RUFY2: variants seen among roughly 807,000 people sequenced by gnomAD.
The protein encoded by RUFY2 is RUN and FYVE domain containing 2.
Under a neutral mutation model 94.4 loss-of-function variants are expected in RUFY2, and 49 were observed. The observed-to-expected ratio is 0.52, with a 90% CI of 0.41 to 0.66. The LOEUF is 0.66. Among genes scored for constraint, RUFY2 ranks in the 30% least tolerant of loss-of-function variants. The pLI, the probability that RUFY2 is intolerant of heterozygous loss-of-function variation, is 0.00. For synonymous variants in RUFY2, 255 were observed against 235.7 expected (o/e 1.08, Z -0.75); for missense variants, 541 against 692.8 (o/e 0.78, Z 2.46).
intron 1 of RUFY2, chr10:68,406,727 C>G: frequency 1.3e-6 from 2 of 1,586,286 alleles, no homozygotes; most frequent in Non-Finnish European, 1.7e-6. Flanking sequence ...GCCTGGGGGC[C>G]CCCCAGGACC....
At chr10:68,384,910 T>C (rs1022702133) in intron 8 of RUFY2, among the ~76,000 whole-genome samples, 1 of 152,164 alleles carries the variant, frequency 6.6e-6, no homozygotes, top group Non-Finnish European at 1.5e-5. Flanking sequence ...ACCATCAAAA[T>C]AAAGATGCAT....
chr10:68,367,717 TCTCCCTCCCTCC>T (rs1186165265), intron 13 of RUFY2, among the ~76,000 whole-genome samples: 2 of 148,862 alleles, frequency 1.3e-5, no homozygotes, highest in African/African-American at 2.5e-5. Context: ...TCTCTATCTC[TCTCCCTCCCTCC>T]CTCCCTCCCT....
intron 2 of RUFY2, among the ~76,000 whole-genome samples, chr10:68,403,965 AC>A (rs1346366997): frequency 6.6e-6 from 1 of 152,088 alleles, no homozygotes; most frequent in East Asian, 1.9e-4. Flanking sequence ...GCATTAAGCC[AC>A]CGTGTCTGGC....
Position 68,345,461 on chromosome 10 carries a change from GAAA to G in RUFY2, c.*304_*306del, listed in dbSNP as rs1310241418. The G allele has an allele frequency of 2.5e-6, 1 of 403,960 alleles. No homozygotes were observed. Among genetic ancestry groups the G allele is most frequent in the Admixed American group, 4.3e-5 (1 of 23,282 alleles). The allele number at this position is 403,960 out of a possible 1,614,324, so 25.0% of individuals were successfully genotyped here. A position where few individuals can be genotyped will look rare whatever the true frequency, so the allele number is the denominator to read the frequency against. On this transcript the variant is annotated 3_prime_UTR_variant, in exon 18 of 18. Transcript: ENST00000602465. ...AATACCAAATTGACAGAATTCAGAA[GAAA>G]AAAACAATCTGAAGCCTTATTTTTA... is the stretch of plus-strand genomic sequence containing the variant.
downstream of RUFY2, chr10:68,341,953 T>C: frequency 6.2e-7 from 1 of 1,610,860 alleles, no homozygotes; most frequent in Non-Finnish European, 8.5e-7. Flanking sequence ...TCCTGCTGAG[T>C]GATTCTTAAT....
At chr10:68,397,521 G>A (rs1401490239) in intron 3 of RUFY2, among the ~76,000 whole-genome samples, 1 of 151,650 alleles carries the variant, frequency 6.6e-6, no homozygotes, top group Non-Finnish European at 1.5e-5. Flanking sequence ...CTTGAATCCA[G>A]GAGTTAGAGA....
At chr10:68,385,679 G>A (rs997175694) in intron 8 of RUFY2, among the ~76,000 whole-genome samples, 3 of 152,004 alleles carry the variant, frequency 2.0e-5, no homozygotes, top group African/African-American at 4.8e-5. Context: ...AGGTATACAT[G>A]TGCCATGGTG....
At chr10:68,396,062 G>A (rs914563918) in intron 4 of RUFY2, among the ~76,000 whole-genome samples, 5 of 152,132 alleles carry the variant, frequency 3.3e-5, no homozygotes, top group Admixed American at 6.5e-5. Context: ...GCAGTGGCGC[G>A]ATCTCAGGTC....
chr10:68,349,698 C>T (rs1427468465), intron 16 of RUFY2, among the ~76,000 whole-genome samples: 1 of 151,844 alleles, frequency 6.6e-6, no homozygotes, highest in Non-Finnish European at 1.5e-5. Context: ...ACCACTGCAC[C>T]CAGCTAATTT....
rs189611550 is a variant in RUFY2, at chr10:68,403,334, C to T, written c.178+1337G>A. The stretch of plus-strand genomic sequence containing the variant: ...TGGCACGATCTCAGCTCACTGCAAC[C>T]TCCGCCTCCCAGGTTCAAACAATTC... On this transcript the variant is annotated intron_variant, in intron 2 of 17. Coordinates refer to ENST00000602465, the MANE Select transcript of RUFY2 (RefSeq NM_001330103.2). Among the ~76,000 whole-genome samples the T allele has an allele frequency of 1.4e-3, 207 of 152,200 alleles. 1 individual carries two copies. The highest frequency in any genetic ancestry group is 4.8e-3 in the African/African-American group (198 of 41,534).
At chr10:68,379,805 A>G (rs1333077751) in intron 11 of RUFY2, among the ~76,000 whole-genome samples, 1 of 150,092 alleles carries the variant, frequency 6.7e-6, no homozygotes, top group African/African-American at 2.4e-5. Flanking sequence ...AAGCAGTGCT[A>G]TTAGTCATTT....
chr10:68,386,885 T>G (rs1181327520), intron 7 of RUFY2, among the ~76,000 whole-genome samples: 1 of 152,128 alleles, frequency 6.6e-6, no homozygotes, highest in Non-Finnish European at 1.5e-5. Context: ...ACATCCAAAG[T>G]CAACCATGGT....
At chr10:68,399,206 G>A (rs2050630496) in intron 3 of RUFY2, among the ~76,000 whole-genome samples, 1 of 151,886 alleles carries the variant, frequency 6.6e-6, no homozygotes, top group Non-Finnish European at 1.5e-5. Context: ...ACCACACCCA[G>A]CTAATTTTTT....
chr10:68,376,760 A>C (rs1290014067), intron 13 of RUFY2, 93 bp downstream of exon 13: 13 of 1,242,976 alleles, frequency 1.0e-5, no homozygotes, highest in Non-Finnish European at 1.5e-5. Context: ...GCATCATTAG[A>C]TAAATAAAAA....
At position 68,345,482 on chromosome 10, in the gene RUFY2, T is replaced by TA; in HGVS notation, c.*285dup. On this transcript the variant is annotated 3_prime_UTR_variant, in exon 18 of 18. Coordinates refer to ENST00000602465, the MANE Select transcript of RUFY2 (RefSeq NM_001330103.2). ...AGAAGAAAAAAACAATCTGAAGCCT[T>TA]ATTTTTAAGGCCTTTACAAGATAAG... is the stretch of plus-strand genomic sequence containing the variant. 1 of 406,604 alleles carries TA rather than the reference T, an allele frequency of 2.5e-6. No individual in the cohort carries two copies. Among genetic ancestry groups the TA allele is most frequent in the Non-Finnish European group, 4.3e-6 (1 of 231,484 alleles). The allele number at this position is 406,604 out of a possible 1,614,324, so 25.2% of individuals were successfully genotyped here. A position where few individuals can be genotyped will look rare whatever the true frequency, so the allele number is the denominator to read the frequency against.
chr10:68,393,248 T>C, intron 6 of RUFY2, 45 bp from the exon 7 acceptor site: 1 of 1,008,890 alleles, frequency 9.9e-7, no homozygotes, highest in Non-Finnish European at 1.5e-6. Flanking sequence ...AAAAGGTATT[T>C]ATTAAGCACA....
intron 3 of RUFY2, among the ~76,000 whole-genome samples, chr10:68,398,690 T>C (rs2050589523): frequency 6.6e-6 from 1 of 151,780 alleles, no homozygotes; most frequent in Non-Finnish European, 1.5e-5. Context: ...AAGCAACTTT[T>C]ATACCACTTT....
In RUFY2 at chr10:68,345,241, A is replaced by C. The variant is rs1016232094; in HGVS notation, c.*527T>G. 3 of 177,422 alleles carry C rather than the reference A, an allele frequency of 1.7e-5. No individual in the cohort carries two copies. The highest frequency in any genetic ancestry group is 7.0e-5 in the African/African-American group (3 of 42,644). The allele number at this position is 177,422 out of a possible 1,614,324, so 11.0% of individuals were successfully genotyped here. On this transcript the variant is annotated 3_prime_UTR_variant, in exon 18 of 18. Coordinates refer to ENST00000602465, the MANE Select transcript of RUFY2 (RefSeq NM_001330103.2). ...AGACCAAGAGGAAATTTTGTAGGAC[A>C]AAATATTGGCCCTGTCTAATGCAAG...
At chr10:68,402,627 G>C (rs1198603481) in intron 2 of RUFY2, among the ~76,000 whole-genome samples, 1 of 150,772 alleles carries the variant, frequency 6.6e-6, no homozygotes, top group African/African-American at 2.5e-5. Context: ...CAGCAGTCTT[G>C]GGGAAAATCA....
Sources: gnomAD v4.1 joint callset for allele counts (sites outside exome capture counted in the v4.1 genomes callset) on GRCh38, gnomAD v4.1.1 for gene constraint, MANE v1.5 for transcripts, NCBI Gene and HGNC (gene_info 2026-07-23, HGNC 2026-07-21) for gene names.